LRRC37B: variants seen among roughly 807,000 people sequenced by gnomAD.
LRRC37B encodes the protein leucine rich repeat containing 37B.
A neutral mutation model predicts 98.3 loss-of-function variants in LRRC37B; 28 were observed. That is an observed-to-expected ratio of 0.28 (90% confidence interval 0.21 to 0.39). LRRC37B has a LOEUF of 0.39. Ranked by LOEUF, LRRC37B falls within the 10% of genes least tolerant of loss-of-function variation. The pLI is 1.00. For synonymous variants in LRRC37B, 364 were observed against 442.7 expected, an observed-to-expected ratio of 0.82 and a Z score of 2.23; for missense variants, 938 against 1,182.7, an observed-to-expected ratio of 0.79 and a Z score of 3.03.
chr17:32,048,604 T>C (rs1431002534), intron 9 of LRRC37B, among the ~76,000 whole-genome samples: 1 of 152,072 alleles, frequency 6.6e-6, no homozygotes, highest in Non-Finnish European at 1.5e-5. Context: ...ACATGAAGGC[T>C]GCTAAACCAA....
intron 1 of LRRC37B, among the ~76,000 whole-genome samples, chr17:32,014,517 AG>A (rs1910607591): frequency 6.6e-6 from 1 of 152,258 alleles, no homozygotes; most frequent in Non-Finnish European, 1.5e-5. Flanking sequence ...GCAGGTCTTT[AG>A]GCCAAAGGAA....
At chr17:32,035,697 T>G in intron 7 of LRRC37B, 58 bp downstream of exon 10, 1 of 1,488,990 alleles carries the variant, frequency 6.7e-7, no homozygotes, top group Non-Finnish European at 9.2e-7. Context: ...GTTTGTTTTA[T>G]TATTTTCTTA....
intron 5 of LRRC37B, among the ~76,000 whole-genome samples, chr17:32,034,366 G>A (rs533482316): frequency 1.3e-5 from 2 of 152,018 alleles, no homozygotes; most frequent in South Asian, 4.2e-4. Flanking sequence ...GCTGGGCGTG[G>A]TGGTGGGCAA....
exon 1 of LRRC37B, chr17:32,022,048 A>C (rs746160733): frequency 5.6e-6 from 9 of 1,613,894 alleles, no homozygotes; most frequent in Non-Finnish European, 7.6e-6. Flanking sequence ...TCAACCCAGC[A>C]GGAGGCCCCA....
At chr17:32,008,834 G>C (rs1910467655) in intron 1 of LRRC37B, among the ~76,000 whole-genome samples, 1 of 152,162 alleles carries the variant, frequency 6.6e-6, no homozygotes, top group Non-Finnish European at 1.5e-5. Flanking sequence ...AACCAAATTT[G>C]GTAATTCATC....
At chr17:32,033,149 G>A in intron 5 of LRRC37B, among the ~76,000 whole-genome samples, 1 of 152,142 alleles carries the variant, frequency 6.6e-6, no homozygotes, top group East Asian at 1.9e-4. Flanking sequence ...GGGCGACAGA[G>A]CAAGGCTCCA....
At chr17:32,033,932 GCA>G (rs1260974665) in intron 5 of LRRC37B, 1 of 151,938 alleles carries the variant, frequency 6.6e-6, no homozygotes, top group African/African-American at 2.4e-5. Flanking sequence ...ATCATACCAG[GCA>G]CAGTGATGAC....
chr17:32,046,597 T>C (rs1198871576), intron 8 of LRRC37B, among the ~76,000 whole-genome samples: 5 of 119,652 alleles, frequency 4.2e-5, no homozygotes, highest in African/African-American at 8.8e-5. Flanking sequence ...TTTTCTTTTT[T>C]TCTTTTTTTT....
At chr17:32,034,455 T>C (rs1448847664) in intron 5 of LRRC37B, among the ~76,000 whole-genome samples, 1 of 134,040 alleles carries the variant, frequency 7.5e-6, no homozygotes, top group Non-Finnish European at 1.5e-5. Context: ...TGAGCCAAGA[T>C]GGAGCCATTG....
intron 6 of LRRC37B, 70 bp downstream of exon 9, chr17:32,035,051 G>A (rs1157997156): frequency 1.7e-6 from 2 of 1,169,836 alleles, no homozygotes; most frequent in East Asian, 2.5e-5. Flanking sequence ...CAAAGATAAA[G>A]TATTTTGCAT....
chr17:32,040,646 G>A, intron 7 of LRRC37B: 3 of 778,722 alleles, frequency 3.9e-6, no homozygotes. Flanking sequence ...TCAACACAGT[G>A]TGCAAGATCC....
At chr17:32,018,939 G>A (rs1047355728), upstream of LRRC37B, among the ~76,000 whole-genome samples, 1 of 152,046 alleles carries the variant, frequency 6.6e-6, no homozygotes, top group Non-Finnish European at 1.5e-5. Context: ...CTTTGTTGTT[G>A]TTGTTGTTAT....
chr17:32,020,404 G>T (rs736678), upstream of LRRC37B, among the ~76,000 whole-genome samples: 19,301 of 150,376 alleles, frequency 0.13, 1,347 homozygotes, highest in Middle Eastern at 0.17. Flanking sequence ...CTGTAACTTC[G>T]AGGGTAATGG....
intron 7 of LRRC37B, chr17:32,036,394 C>CT (rs1366645212): frequency 1.3e-5 from 2 of 151,950 alleles, no homozygotes; most frequent in Non-Finnish European, 2.9e-5. Context: ...TCCATGGATT[C>CT]AACTAACCAT....
At chr17:32,029,834 A>G (rs1449568077) in intron 3 of LRRC37B, among the ~76,000 whole-genome samples, 1 of 152,234 alleles carries the variant, frequency 6.6e-6, no homozygotes, top group Non-Finnish European at 1.5e-5. Flanking sequence ...AGGGCACGTT[A>G]GAACTCAGTT....
intron 1 of LRRC37B, chr17:32,024,337 A>G (rs1473716088): frequency 1.2e-5 from 7 of 578,438 alleles, no homozygotes; most frequent in Non-Finnish European, 2.2e-5. Context: ...TTATTTATCG[A>G]TAAAGATAAG....
intron 7 of LRRC37B, among the ~76,000 whole-genome samples, chr17:32,038,251 G>C (rs1006472979): frequency 5.3e-5 from 8 of 152,296 alleles, no homozygotes; most frequent in Admixed American, 4.6e-4. Context: ...CTTGAGGCCA[G>C]GAGTTTTAGA....
At chr17:32,018,584 G>A (rs954616593), upstream of LRRC37B, among the ~76,000 whole-genome samples, 2 of 152,136 alleles carry the variant, frequency 1.3e-5, no homozygotes, top group African/African-American at 4.8e-5. Flanking sequence ...AGAGGGGTTA[G>A]TCTCCCCCGG....
upstream of LRRC37B, chr17:32,020,993 C>A: frequency 6.6e-7 from 1 of 1,516,246 alleles, no homozygotes; most frequent in African/African-American, 1.4e-5. Context: ...TAAGGTTGCC[C>A]TGGTAACATG....
Sources: gnomAD v4.1 joint callset for allele counts (sites outside exome capture counted in the v4.1 genomes callset) on GRCh38, gnomAD v4.1.1 for gene constraint, MANE v1.5 for transcripts, NCBI Gene and HGNC (gene_info 2026-07-23, HGNC 2026-07-21) for gene names.